CDC42: variants seen among roughly 807,000 people sequenced by gnomAD.
The protein encoded by CDC42 is cell division control protein 42 homolog.
Under a neutral mutation model 20.8 loss-of-function variants are expected in CDC42, and 1 was observed. That is an observed-to-expected ratio of 0.05 (90% CI 0.02 to 0.23). The LOEUF (loss-of-function observed/expected upper bound fraction) is 0.23. Ranked by LOEUF, CDC42 falls within the 10% of genes least tolerant of loss-of-function variation. CDC42 has a pLI of 1.00. For synonymous variants in CDC42, 72 were observed against 84.8 expected, an observed-to-expected ratio of 0.85 and a Z score of 0.83; for missense variants, 49 against 227.9, an observed-to-expected ratio of 0.21 and a Z score of 5.05.
At chr1:22,057,068 T>G (rs1473897977) in intron 1 of CDC42, among the ~76,000 whole-genome samples, 3 of 152,376 alleles carry the variant, frequency 2.0e-5, no homozygotes, top group Middle Eastern at 3.4e-3. Context: ...CCAGACTGCC[T>G]GGGTTCAGAT....
intron 1 of CDC42, among the ~76,000 whole-genome samples, chr1:22,060,069 C>T (rs1321434857): frequency 2.0e-5 from 3 of 151,812 alleles, no homozygotes; most frequent in South Asian, 4.2e-4. Flanking sequence ...AGGCTGGGTG[C>T]GGTGGCTCAT....
chr1:22,097,680 C>T lies in CDC42; in HGVS notation c.*6163C>T, dbSNP rs948144443. ...TTTGTGCATTAGAACTAGCTTGGAA[C>T]AGAATGGGTAAACTTCTGTGAAGTT... On this transcript the variant is annotated 3_prime_UTR_variant, in exon 6 of 6. Coordinates refer to ENST00000656825, the MANE Select transcript of CDC42 (RefSeq NM_001791.4). 3.3e-5 allele frequency among the ~76,000 whole-genome samples: 5 copies of T among 152,336 alleles called. No homozygotes were observed. The East Asian group carries it at 9.6e-4, about 29-fold the overall frequency.
intron 1 of CDC42, among the ~76,000 whole-genome samples, chr1:22,075,364 C>T (rs1195254938): frequency 6.6e-6 from 1 of 152,168 alleles, no homozygotes; most frequent in Non-Finnish European, 1.5e-5. Flanking sequence ...TTAGTATAAT[C>T]TTCCCTTGAT....
intron 1 of CDC42, among the ~76,000 whole-genome samples, chr1:22,072,425 A>G (rs985364011): frequency 2.6e-5 from 4 of 152,054 alleles, no homozygotes. Context: ...CCTTTGTCAT[A>G]AAGGGTACAA....
rs1299595884 is a variant in CDC42 at position 22,086,768 on chromosome 1, G to T, written c.388G>T (p.Ala130Ser). 6.2e-7 allele frequency: 1 copy of T among 1,613,924 alleles called. No individual in the cohort carries two copies. The highest frequency in any genetic ancestry group is 1.3e-5 in the African/African-American group (1 of 74,904). Residue 130 changes from alanine to serine, a missense_variant, in exon 5 of 6, where the codon GCC (alanine) becomes TCC (serine). Ala to Ser is a moderately conservative substitution (Grantham distance 99). Coordinates refer to ENST00000656825, the MANE Select transcript of CDC42 (RefSeq NM_001791.4). ...RDDPSTIEKL[A>S]KNKQKPITPE... is the part of the protein sequence containing the mutation. ...TGACCCCTCTACTATTGAGAAACTT[G>T]CCAAGAACAAACAGAAGCCTATCAC...
chr1:22,073,341 A>G (rs1645512752), intron 1 of CDC42, among the ~76,000 whole-genome samples: 2 of 152,014 alleles, frequency 1.3e-5, no homozygotes, highest in Non-Finnish European at 2.9e-5. Flanking sequence ...TTTTGAGACC[A>G]GCCTGGCCAA....
rs1215743901 is a variant in CDC42, at chr1:22,098,655, A to G, written c.*7138A>G. On this transcript the variant is annotated 3_prime_UTR_variant, in exon 6 of 6. Coordinates refer to ENST00000656825, the MANE Select transcript of CDC42 (RefSeq NM_001791.4). ...CACTTCTTTAAAGCCCATCAGATTA[A>G]TGTGCCATTGGTTTGAAAACCATGA... Among the ~76,000 whole-genome samples, 1 of 152,216 alleles carries G rather than the reference A, an allele frequency of 6.6e-6. No homozygotes were observed. Among genetic ancestry groups the G allele is most frequent in the Non-Finnish European group, 1.5e-5 (1 of 68,032 alleles).
chr1:22,080,733 C>T (rs1208985940), intron 2 of CDC42, among the ~76,000 whole-genome samples: 1 of 152,162 alleles, frequency 6.6e-6, no homozygotes, highest in African/African-American at 2.4e-5. Flanking sequence ...CCCATTTTCA[C>T]AAATAACTTC....
At chr1:22,066,547 C>T (rs1645425772) in intron 1 of CDC42, among the ~76,000 whole-genome samples, 1 of 152,100 alleles carries the variant, frequency 6.6e-6, no homozygotes, top group Admixed American at 6.6e-5. Flanking sequence ...TTTTAAAAGT[C>T]TGTTTCTACT....
chr1:22,096,201 C>T lies in CDC42; in HGVS notation c.*4684C>T, dbSNP rs573909559. ...ATCTCAAACTCCTGACCTCCTGATC[C>T]GCCCTCCTCAGCCTCCCAAAGTGCT... is the stretch of plus-strand genomic sequence containing the variant. On this transcript the variant is annotated 3_prime_UTR_variant, in exon 6 of 6. Transcript: ENST00000656825. Among the ~76,000 whole-genome samples the T allele has an allele frequency of 1.1e-4, 16 of 152,244 alleles. No homozygotes were observed. The highest frequency in any genetic ancestry group is 2.2e-4 in the Non-Finnish European group (15 of 68,006).
At chr1:22,077,307 G>A (rs1190177115) in intron 1 of CDC42, among the ~76,000 whole-genome samples, 1 of 152,176 alleles carries the variant, frequency 6.6e-6, no homozygotes, top group Non-Finnish European at 1.5e-5. Context: ...GTCTAGAAGT[G>A]CTCAGTGCTA....
In CDC42 at chr1:22,094,191, A is replaced by C. The variant is rs1190291667; in HGVS notation, c.*2674A>C. 1.3e-5 allele frequency among the ~76,000 whole-genome samples: 2 copies of C among 151,944 alleles called. No individual in the cohort carries two copies. Among genetic ancestry groups the C allele is most frequent in the African/African-American group, 2.4e-5 (1 of 41,328 alleles). ...TAGAGGCTGGAAAGGGTTATTGAAAATAGTCCTTACAGGCTTAGTTTGTGT... is the reference window on the plus strand; with the variant it reads ...TAGAGGCTGGAAAGGGTTATTGAAACTAGTCCTTACAGGCTTAGTTTGTGT... On this transcript the variant is annotated 3_prime_UTR_variant, in exon 6 of 6. Coordinates refer to ENST00000656825, the MANE Select transcript of CDC42 (RefSeq NM_001791.4).
In CDC42 at chr1:22,100,310, C is replaced by A. The variant is rs973870226; in HGVS notation, c.*8793C>A. On this transcript the variant is annotated 3_prime_UTR_variant, in exon 6 of 6. Coordinates refer to ENST00000656825, the MANE Select transcript of CDC42 (RefSeq NM_001791.4). Reference sequence around the variant, plus strand: ...TGTTTGTATTAGTGATTTCACTTGACCTCAGTACAACTCTGTAAAAGAGGC... The same window carrying A: ...TGTTTGTATTAGTGATTTCACTTGAACTCAGTACAACTCTGTAAAAGAGGC... Among the ~76,000 whole-genome samples the A allele has an allele frequency of 6.6e-6, 1 of 152,142 alleles. No individual in the cohort carries two copies. Among genetic ancestry groups the A allele is most frequent in the Non-Finnish European group, 1.5e-5 (1 of 68,034 alleles).
intron 2 of CDC42, 122 bp from the exon 3 acceptor site, chr1:22,081,600 G>A (rs1031325255): frequency 6.3e-6 from 4 of 639,436 alleles, no homozygotes; most frequent in African/African-American, 3.6e-5. Flanking sequence ...ATATAAGGAT[G>A]ATGGATGGAC....
In CDC42 at chr1:22,074,756, T is replaced by G. The variant is rs1480972970; in HGVS notation, c.-50-3673T>G. Among the ~76,000 whole-genome samples the G allele has an allele frequency of 2.6e-5, 4 of 152,124 alleles. No homozygotes were observed. The East Asian group carries it at 7.7e-4, about 29-fold the overall frequency. On this transcript the variant is annotated intron_variant, in intron 1 of 5. Transcript: ENST00000656825. The stretch of plus-strand genomic sequence containing the variant: ...AGGGCAAAACTACAACAAATTTAAA[T>G]CTCACTTGGCTTTATTGTGATTTTA...
At chr1:22,069,170 C>CTTTTTTTTT (rs71724070) in intron 1 of CDC42, among the ~76,000 whole-genome samples, 1 of 80,808 alleles carries the variant, frequency 1.2e-5, no homozygotes, top group Non-Finnish European at 2.3e-5. Context: ...CATTTTATTC[C>CTTTTTTTTT]TTTTTTTTTT....
rs140243468 is a variant in CDC42 at position 22,077,190 on chromosome 1, T to C, written c.-50-1239T>C. Among the ~76,000 whole-genome samples, 24 of 152,160 alleles carry C rather than the reference T, an allele frequency of 1.6e-4. No individual in the cohort carries two copies. The East Asian group carries it at 3.5e-3, about 22-fold the overall frequency. On this transcript the variant is annotated intron_variant, in intron 1 of 5. Coordinates refer to ENST00000656825, the MANE Select transcript of CDC42 (RefSeq NM_001791.4). The stretch of plus-strand genomic sequence containing the variant: ...AAAAATATACTGCAGATAATTTTGA[T>C]GAGGAGCGGGAGAGTGTATATTTCA...
At chr1:22,061,804 G>A (rs16826302) in intron 1 of CDC42, among the ~76,000 whole-genome samples, 21,509 of 151,534 alleles carry the variant, frequency 0.14, 1,985 homozygotes, top group Non-Finnish European at 0.2. Flanking sequence ...CAAGTGATCC[G>A]CCCCCTTCAG....
At chr1:22,083,671 AT>A (rs1386907769) in intron 3 of CDC42, among the ~76,000 whole-genome samples, 1 of 152,086 alleles carries the variant, frequency 6.6e-6, no homozygotes, top group Non-Finnish European at 1.5e-5. Flanking sequence ...CCATAATAAA[AT>A]GTGTAACATT....
Sources: gnomAD v4.1 joint callset for allele counts (sites outside exome capture counted in the v4.1 genomes callset) on GRCh38, gnomAD v4.1.1 for gene constraint, MANE v1.5 for transcripts, NCBI Gene and HGNC (gene_info 2026-07-23, HGNC 2026-07-21) for gene names.